Variants in GKAP1 observed in about 807,000 individuals in gnomAD.
The protein encoded by GKAP1 is G kinase-anchoring protein 1.
Under a neutral mutation model 56.7 loss-of-function variants are expected in GKAP1, and 31 were observed. The ratio of observed to expected loss-of-function variants is 0.55; its 90% CI spans 0.41 to 0.74. The LOEUF is 0.74. Ranked by LOEUF, GKAP1 falls within the 30% of genes least tolerant of loss-of-function variation. GKAP1 has a pLI of 0.00. For synonymous variants in GKAP1, 151 were observed against 138.6 expected (o/e 1.09, Z -0.63); for missense variants, 364 against 402.3 (o/e 0.90, Z 0.82).
chr9:83,763,664 T>A (rs1172729291), intron 8 of GKAP1, among the ~76,000 whole-genome samples: 3 of 152,232 alleles, frequency 2.0e-5, no homozygotes, highest in African/African-American at 7.2e-5. Context: ...TCCCCTTTCC[T>A]GTGAATTACT....
At chr9:83,789,513 T>C (rs1423735933) in intron 4 of GKAP1, among the ~76,000 whole-genome samples, 3 of 152,184 alleles carry the variant, frequency 2.0e-5, no homozygotes, top group Admixed American at 1.3e-4. Context: ...GTGTACAGGA[T>C]AACAAAAGCA....
In GKAP1 at chr9:83,784,883, T is replaced by C. The variant is rs765969385; in HGVS notation, c.439-45A>G. On this transcript the variant is annotated intron_variant, in intron 5 of 12. Transcript: ENST00000376371. ...ACAATTAAGTTCAGTTTACAAACTG[T>C]AAAATAAACTCACCAACAGGTAATA... The C allele has an allele frequency of 2.1e-6, 3 of 1,408,502 alleles. No individual in the cohort carries two copies. In the South Asian group the frequency reaches 4.3e-5, roughly 20 times the overall value. 87.3% of individuals were successfully genotyped at this position (1,408,502 alleles called of 1,614,324 possible).
At position 83,742,586 on chromosome 9, in the gene GKAP1, C is replaced by T. The variant is rs1364707296; in HGVS notation, c.919G>A (p.Glu307Lys). Residue 307 changes from glutamate (E) to lysine (K), a missense_variant, in exon 11 of 13, where the codon GAA becomes AAA. Transcript: ENST00000376371. ...GATTCATCAACTTGCAGAAGTATTTCTGCCTTATCTTTCACTGACAAAAAA... is the reference window on the plus strand; with the variant it reads ...GATTCATCAACTTGCAGAAGTATTTTTGCCTTATCTTTCACTGACAAAAAA... ...LQEGEMKDKA[E>K]ILLQVDESQS... The T allele has an allele frequency of 6.2e-7, 1 of 1,611,526 alleles. No individual in the cohort carries two copies. Among genetic ancestry groups the T allele is most frequent in the Non-Finnish European group, 8.5e-7 (1 of 1,179,010 alleles).
At chr9:83,778,286 G>A (rs907901432) in intron 7 of GKAP1, among the ~76,000 whole-genome samples, 14 of 152,050 alleles carry the variant, frequency 9.2e-5, no homozygotes, top group Non-Finnish European at 1.9e-4. Flanking sequence ...AGCAGACATA[G>A]AATCAACCTA....
intron 6 of GKAP1, among the ~76,000 whole-genome samples, chr9:83,783,122 T>C (rs146360230): frequency 6.6e-6 from 1 of 152,346 alleles, no homozygotes; most frequent in East Asian, 1.9e-4. Flanking sequence ...GAAAGGCTTA[T>C]TTCTGAAAGC....
At chr9:83,765,862 T>C (rs933164841) in intron 8 of GKAP1, among the ~76,000 whole-genome samples, 11 of 152,228 alleles carry the variant, frequency 7.2e-5, no homozygotes, top group Admixed American at 6.5e-5. Flanking sequence ...CAGAAGGGAC[T>C]TGCCTTATCT....
intron 8 of GKAP1, among the ~76,000 whole-genome samples, chr9:83,765,763 C>T (rs1033892189): frequency 2.0e-5 from 3 of 152,194 alleles, no homozygotes; most frequent in Admixed American, 2.0e-4. Flanking sequence ...CAATTTCTCC[C>T]ATTTGAAATG....
intron 5 of GKAP1, among the ~76,000 whole-genome samples, chr9:83,787,067 T>C (rs1293321165): frequency 6.6e-6 from 1 of 152,248 alleles, no homozygotes; most frequent in Non-Finnish European, 1.5e-5. Flanking sequence ...TTAATTTTCC[T>C]GCTTTGTGTC....
At chr9:83,779,527 GTA>G (rs762784530) in intron 7 of GKAP1, among the ~76,000 whole-genome samples, 11 of 106,366 alleles carry the variant, frequency 1.0e-4, no homozygotes, top group Middle Eastern at 6.2e-3. Flanking sequence ...ATATACACGT[GTA>G]TATGTGTATA....
rs141709042 is a variant in GKAP1, at chr9:83,779,426, C to CATATATATATATATAT, written c.585+940_585+955dup. Reference sequence around the variant, plus strand: ...AACAAACAAAAAAATGGTCAGAAGCCATATATATATATATATATATATACA... The same window carrying CATATATATATATATAT: ...AACAAACAAAAAAATGGTCAGAAGCCATATATATATATATATATATATATATATATATATATATACA... On this transcript the variant is annotated intron_variant, in intron 7 of 12. Coordinates refer to ENST00000376371, the MANE Select transcript of GKAP1 (RefSeq NM_025211.4). 3.2e-5 allele frequency among the ~76,000 whole-genome samples: 3 copies of CATATATATATATATAT among 92,974 alleles called. No homozygotes were observed. In the East Asian group the frequency reaches 1.1e-3, roughly 33 times the overall value. 61.0% of individuals were successfully genotyped at this position (92,974 alleles called of 152,430 possible).
chr9:83,794,604 T>C lies in GKAP1; in HGVS notation c.360+4581A>G, dbSNP rs936594059. On this transcript the variant is annotated intron_variant, in intron 4 of 12. Transcript: ENST00000376371. ...GAGTGAGAAAAATACCAGTGACGTG[T>C]AGAGTTTGAATCAATACAGTAACAG... is the stretch of plus-strand genomic sequence containing the variant. Among the ~76,000 whole-genome samples the C allele has an allele frequency of 2.6e-5, 4 of 152,280 alleles. No homozygotes were observed. The South Asian group carries it at 8.3e-4, about 32-fold the overall frequency.
intron 2 of GKAP1, among the ~76,000 whole-genome samples, chr9:83,809,801 CTTAT>C (rs1158105166): frequency 6.6e-6 from 1 of 152,094 alleles, no homozygotes; most frequent in African/African-American, 2.4e-5. Flanking sequence ...CTGTCATTTG[CTTAT>C]TTATTCATTT....
At chr9:83,773,295 C>T (rs1414320367) in intron 7 of GKAP1, among the ~76,000 whole-genome samples, 1 of 152,042 alleles carries the variant, frequency 6.6e-6, no homozygotes, top group Admixed American at 6.6e-5. Context: ...TTCTATGAGT[C>T]CATTATAGGT....
chr9:83,774,618 C>T (rs1371318653), intron 7 of GKAP1, among the ~76,000 whole-genome samples: 1 of 137,212 alleles, frequency 7.3e-6, no homozygotes, highest in African/African-American at 2.7e-5. Flanking sequence ...CCAATTGTAG[C>T]AAAAACAAAA....
intron 6 of GKAP1, 118 bp from the exon 7 acceptor site, chr9:83,780,522 T>C (rs758907095): frequency 8.3e-5 from 45 of 544,770 alleles, no homozygotes; most frequent in Non-Finnish European, 4.5e-5. Flanking sequence ...CTATGAGTTA[T>C]AGAAGTCATT....
intron 7 of GKAP1, among the ~76,000 whole-genome samples, chr9:83,777,378 A>G (rs1943881655): frequency 6.6e-6 from 1 of 152,218 alleles, no homozygotes. Flanking sequence ...AAAAAGCAAC[A>G]TATTAAAAAA....
At position 83,774,548 on chromosome 9, in the gene GKAP1, C is replaced by T. The variant is rs184419171; in HGVS notation, c.586-5578G>A. Among the ~76,000 whole-genome samples the T allele has an allele frequency of 4.1e-3, 620 of 150,466 alleles. 5 individuals carry two copies. Among genetic ancestry groups the T allele is most frequent in the African/African-American group, 0.014 (592 of 40,984 alleles). On this transcript the variant is annotated intron_variant, in intron 7 of 12. Transcript: ENST00000376371. ...GGCAGAGGTTGCAGTAAGCTGAGAC[C>T]GTGCCATTGCACTCCAGCCTGGGTG...
rs867583874 is a variant in GKAP1 at position 83,803,705 on chromosome 9, T to C, written c.216+2597A>G. On this transcript the variant is annotated intron_variant, in intron 3 of 12. Transcript: ENST00000376371. ...CTGGGAAGTGAGGAGCGTCTCTGCC[T>C]GGCAGCCCATCGTCTGGGACGTGAG... Among the ~76,000 whole-genome samples the C allele has an allele frequency of 9.1e-3, 1,072 of 118,448 alleles. 17 individuals carry two copies. The highest frequency in any genetic ancestry group is 0.033 in the African/African-American group (1,000 of 30,432). The allele number at this position is 118,448 out of a possible 152,430, so 77.7% of individuals were successfully genotyped here.
At chr9:83,817,302 TC>T (rs1401070242) in intron 1 of GKAP1, 175 bp from the exon 2 acceptor site, 1 of 150,492 alleles carries the variant, frequency 6.6e-6, no homozygotes, top group Non-Finnish European at 1.5e-5. Flanking sequence ...CGGGTGCGAG[TC>T]CCTCCCCGCC....
Sources: allele counts gnomAD v4.1 joint callset (sites outside exome capture counted in the v4.1 genomes callset), GRCh38; gene constraint gnomAD v4.1.1; transcripts MANE v1.5; gene names NCBI Gene and HGNC (gene_info 2026-07-23, HGNC 2026-07-21).